ENPP3: variants seen among roughly 807,000 people sequenced by gnomAD.
ENPP3 encodes ectonucleotide pyrophosphatase/phosphodiesterase 3.
A neutral mutation model predicts 117.8 loss-of-function variants in ENPP3; 104 were observed. That is an observed-to-expected ratio of 0.88 (90% CI 0.75 to 1.04). ENPP3 has a LOEUF of 1.04. Among genes scored for constraint, ENPP3 ranks in the 50% least tolerant of loss-of-function variants. ENPP3 has a pLI of 0.00. For synonymous variants in ENPP3, 380 were observed against 349.9 expected, an observed-to-expected ratio of 1.09 and a Z score of -0.96; for missense variants, 1,026 against 1,051.9, an observed-to-expected ratio of 0.98 and a Z score of 0.34.
At chr6:131,703,527 A>G (rs1779582944) in intron 15 of ENPP3, among the ~76,000 whole-genome samples, 1 of 136,970 alleles carries the variant, frequency 7.3e-6, no homozygotes, top group Non-Finnish European at 1.5e-5. Context: ...GTAGAAATGT[A>G]CTTTTGCATG....
rs138875992 is a variant in ENPP3 at position 131,682,374 on chromosome 6, G to A, written c.1012-680G>A. The stretch of plus-strand genomic sequence containing the variant: ...CCAGGCATGATGGTGTCCACCTGTG[G>A]TGCTAGCTACTCAGGAGGCTGAGAC... On this transcript the variant is annotated intron_variant, in intron 11 of 24. Transcript: ENST00000357639. 7.2e-4 allele frequency among the ~76,000 whole-genome samples: 109 copies of A among 152,122 alleles called. No homozygotes were observed. In the East Asian group the frequency reaches 0.018, roughly 26 times the overall value.
At chr6:131,681,026 A>T (rs1347614262) in intron 11 of ENPP3, among the ~76,000 whole-genome samples, 1 of 151,800 alleles carries the variant, frequency 6.6e-6, no homozygotes, top group East Asian at 1.9e-4. Flanking sequence ...CAGAGGACAG[A>T]AGAGGAGGGG....
rs548110101 is a variant in ENPP3, at chr6:131,745,895, G to C, written c.2458-891G>C. Among the ~76,000 whole-genome samples the C allele has an allele frequency of 5.9e-5, 9 of 152,184 alleles. No individual in the cohort carries two copies. The South Asian group carries it at 1.7e-3, about 28-fold the overall frequency. Reference sequence around the variant, plus strand: ...GCACTTTGGGAGGCCAAGGTGGGTGGATCACCCGAGATCAGGAGTTTAAGA... The same window carrying C: ...GCACTTTGGGAGGCCAAGGTGGGTGCATCACCCGAGATCAGGAGTTTAAGA... On this transcript the variant is annotated intron_variant, in intron 24 of 24. Transcript: ENST00000357639.
At chr6:131,678,878 C>T (rs1386818054) in intron 11 of ENPP3, among the ~76,000 whole-genome samples, 1 of 149,500 alleles carries the variant, frequency 6.7e-6, no homozygotes, top group Admixed American at 6.7e-5. Context: ...ATATATTCAC[C>T]ATGCCTTCTT....
At chr6:131,720,521 T>G in intron 17 of ENPP3, 142 bp downstream of exon 17, 1 of 505,510 alleles carries the variant, frequency 2.0e-6, no homozygotes, top group South Asian at 3.2e-5. Flanking sequence ...GGAAGAATTA[T>G]TCATTATTCA....
chr6:131,700,588 A>T, intron 15 of ENPP3: 1 of 1,528,474 alleles, frequency 6.5e-7, no homozygotes, highest in East Asian at 2.6e-5. Flanking sequence ...AGCAGGAGAT[A>T]TTTCTTCTGC....
At chr6:131,673,902 A>G (rs916371953) in intron 7 of ENPP3, among the ~76,000 whole-genome samples, 2 of 152,142 alleles carry the variant, frequency 1.3e-5, no homozygotes, top group African/African-American at 4.8e-5. Context: ...CATAGGTTAT[A>G]TGCAAATCCC....
chr6:131,699,273 G>C (rs1162130077), intron 15 of ENPP3, among the ~76,000 whole-genome samples: 4 of 130,546 alleles, frequency 3.1e-5, no homozygotes, highest in Non-Finnish European at 1.6e-5. Context: ...AATAGTTTTA[G>C]GACATAGTTT....
chr6:131,641,365 A>G (rs1470004070), intron 1 of ENPP3, 90 bp from the exon 2 acceptor site: 1 of 750,870 alleles, frequency 1.3e-6, no homozygotes, highest in Non-Finnish European at 2.3e-6. Flanking sequence ...CGCTGCAGGT[A>G]CTTAGAGAGA....
In ENPP3 at chr6:131,747,014, A is replaced by T. The variant is rs1460572684; in HGVS notation, c.*58A>T. On this transcript the variant is annotated 3_prime_UTR_variant, in exon 25 of 25. Coordinates refer to ENST00000357639, the MANE Select transcript of ENPP3 (RefSeq NM_005021.5). ...GTATAAAGTAATTTTGGCAAAATAT[A>T]AGTGATTTTTTTCTGGAGAATTGTA... 8 of 925,808 alleles carry T rather than the reference A, an allele frequency of 8.6e-6. No homozygotes were observed. The highest frequency in any genetic ancestry group is 1.2e-5 in the Non-Finnish European group (8 of 660,496). 57.3% of individuals were successfully genotyped at this position (925,808 alleles called of 1,614,324 possible).
chr6:131,726,916 C>A (rs1420158281), intron 20 of ENPP3, among the ~76,000 whole-genome samples: 1 of 152,184 alleles, frequency 6.6e-6, no homozygotes, highest in Non-Finnish European at 1.5e-5. Context: ...TAAATAGGAA[C>A]CGCAAGTCCA....
In ENPP3 at chr6:131,733,680, T is replaced by C; in HGVS notation, c.2046T>C (p.Tyr682=). 6.2e-7 allele frequency: 1 copy of C among 1,614,140 alleles called. No homozygotes were observed. Residue 682 remains tyrosine, a synonymous_variant, in exon 21 of 25, where the codon TAT becomes TAC. Transcript: ENST00000357639. ...CTGAGAGCCAAAAATGTTCCTTCTA[T>C]TTAGCAGACAAGAATATCACCCACG... ...PPSESQKCSF[Y]LADKNITHGF...
At chr6:131,673,009 A>C (rs1031151879) in intron 7 of ENPP3, among the ~76,000 whole-genome samples, 7 of 152,184 alleles carry the variant, frequency 4.6e-5, no homozygotes, top group Non-Finnish European at 8.8e-5. Context: ...GAAAGCTTCT[A>C]TCTAGTAAAT....
At chr6:131,723,102 C>CA (rs1305011372) in intron 18 of ENPP3, among the ~76,000 whole-genome samples, 2 of 152,154 alleles carry the variant, frequency 1.3e-5, no homozygotes, top group Non-Finnish European at 2.9e-5. Context: ...GCCCCGTTAT[C>CA]AGGAGTCCTT....
chr6:131,685,127 A>G (rs1779123853), intron 12 of ENPP3, among the ~76,000 whole-genome samples: 1 of 152,148 alleles, frequency 6.6e-6, no homozygotes, highest in Non-Finnish European at 1.5e-5. Context: ...CCATTAATCT[A>G]TTATACATTG....
At chr6:131,690,340 C>T (rs947040342) in intron 14 of ENPP3, among the ~76,000 whole-genome samples, 3 of 152,188 alleles carry the variant, frequency 2.0e-5, no homozygotes, top group Non-Finnish European at 4.4e-5. Flanking sequence ...CCACCCCAGC[C>T]TTCAGCAACC....
At chr6:131,693,736 A>T in intron 15 of ENPP3, 112 bp downstream of exon 15, 1 of 1,114,816 alleles carries the variant, frequency 9.0e-7, no homozygotes, top group South Asian at 1.5e-5. Flanking sequence ...CTGAGCATTG[A>T]CATTTTCTGG....
At chr6:131,728,981 G>T (rs1780216685) in intron 20 of ENPP3, among the ~76,000 whole-genome samples, 1 of 152,228 alleles carries the variant, frequency 6.6e-6, no homozygotes, top group African/African-American at 2.4e-5. Context: ...AGGTATTTCA[G>T]AATTTAATAT....
At chr6:131,669,276 A>G (rs530762850) in intron 6 of ENPP3, among the ~76,000 whole-genome samples, 1 of 152,334 alleles carries the variant, frequency 6.6e-6, no homozygotes, top group Non-Finnish European at 1.5e-5. Flanking sequence ...TATTGATTAA[A>G]TAAGAAAAAT....
Sources: gnomAD v4.1 joint callset for allele counts (sites outside exome capture counted in the v4.1 genomes callset) on GRCh38, gnomAD v4.1.1 for gene constraint, MANE v1.5 for transcripts, NCBI Gene and HGNC (gene_info 2026-07-23, HGNC 2026-07-21) for gene names.